The following HECW2 variants were observed in gnomAD, a reference collection of about 807,000 sequenced individuals.
The protein encoded by HECW2 is HECT, C2 and WW domain containing E3 ubiquitin protein ligase 2.
HECW2 carries 61 observed loss-of-function variants against 175.2 expected under a neutral mutation model. The observed-to-expected ratio is 0.35, with a 90% CI of 0.28 to 0.43. The LOEUF (loss-of-function observed/expected upper bound fraction) is 0.43. Ranked by LOEUF, HECW2 falls within the 20% of genes least tolerant of loss-of-function variation. The pLI is 1.00. For synonymous variants in HECW2, 671 were observed against 731.0 expected (o/e 0.92, Z 1.32); for missense variants, 1,524 against 2,000.5 (o/e 0.76, Z 4.54).
chr2:196,326,286 T>C (rs1444456551), intron 5 of HECW2, among the ~76,000 whole-genome samples: 1 of 152,102 alleles, frequency 6.6e-6, no homozygotes, highest in African/African-American at 2.4e-5. Context: ...ACCGTATTCT[T>C]GAAGGAGAGC....
chr2:196,240,331 G>A lies in HECW2; in HGVS notation c.3764+118C>T. 9.7e-6 allele frequency: 6 copies of A among 618,732 alleles called. No individual in the cohort carries two copies. In the South Asian group the frequency reaches 1.7e-4, roughly 17 times the overall value. 38.3% of individuals were successfully genotyped at this position (618,732 alleles called of 1,614,324 possible). A position where few individuals can be genotyped will look rare whatever the true frequency, so the allele number is the denominator to read the frequency against. On this transcript the variant is annotated intron_variant, in intron 21 of 28. Coordinates refer to ENST00000644978, the MANE Select transcript of HECW2 (RefSeq NM_001348768.2). The stretch of plus-strand genomic sequence containing the variant: ...AAAAAGCCCAAAGGTTTAAGTGTAT[G>A]AGAACAGCACTTCCTGGCAGAAGGA...
At chr2:196,219,910 G>A (rs1687606542) in intron 26 of HECW2, 129 bp downstream of exon 26, 2 of 639,624 alleles carry the variant, frequency 3.1e-6, no homozygotes, top group Non-Finnish European at 5.6e-6. Context: ...AAGGTCTCAA[G>A]GGAGCCTGCA....
At chr2:196,287,501 CA>C (rs1690436787) in intron 14 of HECW2, among the ~76,000 whole-genome samples, 1 of 151,750 alleles carries the variant, frequency 6.6e-6, no homozygotes, top group African/African-American at 2.4e-5. Flanking sequence ...AGCAAAGAGG[CA>C]GGGGGAAATA....
intron 18 of HECW2, among the ~76,000 whole-genome samples, chr2:196,256,741 C>G (rs938393725): frequency 6.6e-6 from 1 of 152,182 alleles, no homozygotes; most frequent in African/African-American, 2.4e-5. Flanking sequence ...GTCTTCCTGA[C>G]CACCTAGCAT....
chr2:196,377,686 T>C (rs538856268), intron 2 of HECW2, among the ~76,000 whole-genome samples: 9 of 152,350 alleles, frequency 5.9e-5, no homozygotes, highest in African/African-American at 2.2e-4. Flanking sequence ...CCAAACCATA[T>C]CATGCAGATT....
At position 196,479,086 on chromosome 2, in the gene HECW2, A is replaced by G. The variant is rs548789519; in HGVS notation, c.-35-45628T>C. On this transcript the variant is annotated intron_variant, in intron 1 of 28. Coordinates refer to ENST00000644978, the MANE Select transcript of HECW2 (RefSeq NM_001348768.2). ...TCCCTCTCCTTTTCCAATGTAATGG[A>G]TAAAGAAGAAGTGGTGCAGAAAATT... Among the ~76,000 whole-genome samples the G allele has an allele frequency of 1.9e-4, 29 of 152,306 alleles. No homozygotes were observed. In the South Asian group the frequency reaches 5.4e-3, roughly 28 times the overall value.
chr2:196,235,521 T>C (rs1688213670), intron 21 of HECW2, among the ~76,000 whole-genome samples: 1 of 152,142 alleles, frequency 6.6e-6, no homozygotes, highest in African/African-American at 2.4e-5. Context: ...TCATTTCTCT[T>C]GACTCAACTA....
At chr2:196,549,122 T>A (rs1689522890) in intron 1 of HECW2, among the ~76,000 whole-genome samples, 1 of 152,254 alleles carries the variant, frequency 6.6e-6, no homozygotes, top group Non-Finnish European at 1.5e-5. Flanking sequence ...ATAGTCATTT[T>A]ATCCTCTTAA....
At chr2:196,520,857 A>C (rs1287697995) in intron 1 of HECW2, among the ~76,000 whole-genome samples, 1 of 151,698 alleles carries the variant, frequency 6.6e-6, no homozygotes, top group Non-Finnish European at 1.5e-5. Context: ...AAGGACACGC[A>C]AGAAGAATAA....
chr2:196,316,237 CA>C (rs1249890721), intron 10 of HECW2: 2 of 152,164 alleles, frequency 1.3e-5, no homozygotes, highest in Non-Finnish European at 2.9e-5. Context: ...GATCTGTGCC[CA>C]AAAGAATTTC....
At chr2:196,257,537 C>T (rs1215306706) in intron 18 of HECW2, among the ~76,000 whole-genome samples, 1 of 152,164 alleles carries the variant, frequency 6.6e-6, no homozygotes, top group Non-Finnish European at 1.5e-5. Flanking sequence ...CCTTCTGTTC[C>T]ATTCTGTGAG....
chr2:196,291,064 C>T (rs1690584958), intron 14 of HECW2: 1 of 152,156 alleles, frequency 6.6e-6, no homozygotes, highest in Non-Finnish European at 1.5e-5. Context: ...ACCATTTTGA[C>T]TACTCATAGA....
chr2:196,322,138 A>G (rs1484460735), intron 7 of HECW2, among the ~76,000 whole-genome samples: 4 of 152,198 alleles, frequency 2.6e-5, no homozygotes, highest in South Asian at 4.1e-4. Context: ...TATTTAGGAT[A>G]AGGTAGGCAT....
intron 3 of HECW2, among the ~76,000 whole-genome samples, chr2:196,339,260 A>C (rs1050824051): frequency 6.6e-6 from 1 of 152,158 alleles, no homozygotes; most frequent in Non-Finnish European, 1.5e-5. Context: ...ACACCAAATA[A>C]AAAGGCACCC....
intron 4 of HECW2, among the ~76,000 whole-genome samples, chr2:196,332,487 A>G (rs552534383): frequency 6.6e-6 from 1 of 152,332 alleles, no homozygotes; most frequent in South Asian, 2.1e-4. Flanking sequence ...ACTGATTGCC[A>G]GTGTTGTATC....
chr2:196,218,261 C>T (rs1476421647), intron 26 of HECW2: 2 of 152,206 alleles, frequency 1.3e-5, no homozygotes, highest in African/African-American at 4.8e-5. Context: ...TGTGTCTCAT[C>T]ATATTCTCTC....
chr2:196,575,021 C>T lies in HECW2; in HGVS notation c.-36+18487G>A, dbSNP rs544632264. Among the ~76,000 whole-genome samples, 117 of 132,880 alleles carry T rather than the reference C, an allele frequency of 8.8e-4. 1 individual carries two copies. The highest frequency in any genetic ancestry group is 2.6e-3 in the Admixed American group (29 of 11,310). 87.2% of individuals were successfully genotyped at this position (132,880 alleles called of 152,430 possible). A position where few individuals can be genotyped will look rare whatever the true frequency, so the allele number is the denominator to read the frequency against. ...GCTTGAGCCCAGGAGTTCAAGCTTA[C>T]GGTGAGCTATGATCATACCACTATA... On this transcript the variant is annotated intron_variant, in intron 1 of 28. Transcript: ENST00000644978.
chr2:196,516,837 A>T (rs980100735), intron 1 of HECW2, among the ~76,000 whole-genome samples: 1 of 152,218 alleles, frequency 6.6e-6, no homozygotes, highest in Non-Finnish European at 1.5e-5. Context: ...GTCTTTGAGT[A>T]AGCATCAGTT....
chr2:196,347,326 C>T (rs945865691), intron 2 of HECW2, among the ~76,000 whole-genome samples: 1 of 151,982 alleles, frequency 6.6e-6, no homozygotes, highest in African/African-American at 2.4e-5. Context: ...TCCCAAAATG[C>T]TAGGATTACA....
Sources: gnomAD v4.1 joint callset for allele counts (sites outside exome capture counted in the v4.1 genomes callset) on GRCh38, gnomAD v4.1.1 for gene constraint, MANE v1.5 for transcripts, NCBI Gene and HGNC (gene_info 2026-07-23, HGNC 2026-07-21) for gene names.